KDM4C: variants seen among roughly 807,000 people sequenced by gnomAD.
KDM4C encodes lysine-specific demethylase 4C.
KDM4C carries 81 observed loss-of-function variants against 129.3 expected under a neutral mutation model. The ratio of observed to expected loss-of-function variants is 0.63; its 90% CI spans 0.52 to 0.75. The LOEUF (loss-of-function observed/expected upper bound fraction) is 0.75, where lower values mean the gene tolerates loss of function less well. Ranked by LOEUF, KDM4C falls within the 30% of genes least tolerant of loss-of-function variation. The pLI, the probability that KDM4C is intolerant of heterozygous loss-of-function variation, is 0.00. For synonymous variants in KDM4C, 573 were observed against 456.1 expected, an observed-to-expected ratio of 1.26 and a Z score of -3.26; for missense variants, 1,457 against 1,304.0, an observed-to-expected ratio of 1.12 and a Z score of -1.81.
intron 17 of KDM4C, among the ~76,000 whole-genome samples, chr9:7,062,127 A>G (rs1410330828): frequency 6.6e-6 from 1 of 151,738 alleles, no homozygotes; most frequent in Non-Finnish European, 1.5e-5. Flanking sequence ...GCCACCACAC[A>G]CTGGCCAATT....
chr9:7,057,912 T>A (rs1016328390), intron 17 of KDM4C, among the ~76,000 whole-genome samples: 1 of 152,218 alleles, frequency 6.6e-6, no homozygotes, highest in African/African-American at 2.4e-5. Context: ...AGCACGGACA[T>A]CGCATGTTGA....
intron 9 of KDM4C, chr9:6,982,807 G>C (rs997044795): frequency 5.9e-5 from 9 of 152,174 alleles, no homozygotes; most frequent in Admixed American, 5.9e-4. Flanking sequence ...AGAGAACATG[G>C]ATTTATGACA....
At chr9:6,790,682 A>AAAG (rs71315564) in intron 1 of KDM4C, among the ~76,000 whole-genome samples, 3,428 of 113,106 alleles carry the variant, frequency 0.03, 242 homozygotes, top group East Asian at 0.12. Flanking sequence ...AAAAAAAAAA[A>AAAG]GAGGAAAACT....
intron 18 of KDM4C, among the ~76,000 whole-genome samples, chr9:7,106,122 C>T (rs184581035): frequency 1.3e-5 from 2 of 152,292 alleles, no homozygotes; most frequent in East Asian, 1.9e-4. Flanking sequence ...TTCTTCCATT[C>T]GACTCCAAGT....
intron 8 of KDM4C, among the ~76,000 whole-genome samples, chr9:6,966,736 C>A (rs564173690): frequency 3.3e-5 from 5 of 152,182 alleles, no homozygotes; most frequent in Middle Eastern, 3.4e-3. Context: ...GAAAAAAAGT[C>A]TTCATTATTT....
At chr9:6,885,699 A>T (rs1025414512) in intron 6 of KDM4C, among the ~76,000 whole-genome samples, 1 of 151,990 alleles carries the variant, frequency 6.6e-6, no homozygotes, top group South Asian at 2.1e-4. Flanking sequence ...GAGAGTGAGT[A>T]TGAACCATGT....
At position 6,800,620 on chromosome 9, in the gene KDM4C, T is replaced by TTTTA. The variant is rs1564035764; in HGVS notation, c.145-4979_145-4978insTTTA. The stretch of plus-strand genomic sequence containing the variant: ...TATCTATCTATTTTATTTTATTTTT[T>TTTTA]AATTTATTTTTATTTAGTTCTTTTG... On this transcript the variant is annotated intron_variant, in intron 2 of 21. Coordinates refer to ENST00000381309, the MANE Select transcript of KDM4C (RefSeq NM_015061.6). Among the ~76,000 whole-genome samples, 356 of 152,306 alleles carry TTTTA rather than the reference T, an allele frequency of 2.3e-3. 2 individuals are homozygous for TTTTA. The highest frequency in any genetic ancestry group is 8.0e-3 in the African/African-American group (334 of 41,556).
chr9:7,060,878 C>T (rs1436264349), intron 17 of KDM4C, among the ~76,000 whole-genome samples: 1 of 152,090 alleles, frequency 6.6e-6, no homozygotes, highest in East Asian at 1.9e-4. Flanking sequence ...ATTGTCAAGT[C>T]CTTCTGCAGG....
intron 4 of KDM4C, among the ~76,000 whole-genome samples, chr9:6,816,464 T>A (rs1217811774): frequency 1.3e-5 from 2 of 152,218 alleles, no homozygotes; most frequent in African/African-American, 2.4e-5. Flanking sequence ...TTTCTTCTTT[T>A]GTTTAACAGT....
chr9:6,852,661 A>T (rs1839070673), intron 5 of KDM4C, among the ~76,000 whole-genome samples: 1 of 152,022 alleles, frequency 6.6e-6, no homozygotes, highest in Non-Finnish European at 1.5e-5. Flanking sequence ...CCTGTGCTTG[A>T]CATATCTGTC....
intron 17 of KDM4C, among the ~76,000 whole-genome samples, chr9:7,052,898 A>AGAGAGAGAGAGAGAGAGACAGC (rs1477487723): frequency 4.2e-4 from 20 of 47,612 alleles, no homozygotes; most frequent in African/African-American, 9.2e-4. Context: ...AGAGAGAGAG[A>AGAGAGAGAGAGAGAGAGACAGC]GAGCGAGCGA....
At chr9:7,083,471 T>A (rs966123222) in intron 17 of KDM4C, among the ~76,000 whole-genome samples, 1 of 152,148 alleles carries the variant, frequency 6.6e-6, no homozygotes, top group Non-Finnish European at 1.5e-5. Flanking sequence ...ATGCAAACCT[T>A]GATGGCATAG....
At chr9:6,735,024 G>GT in intron 1 of KDM4C, 1 of 505,202 alleles carries the variant, frequency 2.0e-6, no homozygotes, top group Non-Finnish European at 3.9e-6. Context: ...TGCAGCTATT[G>GT]TAAGAGTTTC....
chr9:6,834,680 A>G (rs1162766402), intron 4 of KDM4C: 8 of 830,728 alleles, frequency 9.6e-6, no homozygotes, highest in Admixed American at 3.4e-5. Context: ...GCATGGCATC[A>G]TTACCAACTG....
intron 2 of KDM4C, among the ~76,000 whole-genome samples, chr9:6,793,372 A>T (rs1250442501): frequency 2.0e-5 from 3 of 151,898 alleles, no homozygotes; most frequent in Non-Finnish European, 2.9e-5. Flanking sequence ...AAACCAACCA[A>T]GGGTGGCTGA....
At chr9:6,982,678 G>A (rs1816972640) in intron 9 of KDM4C, 1 of 152,208 alleles carries the variant, frequency 6.6e-6, no homozygotes, top group Non-Finnish European at 1.5e-5. Context: ...CCTGAGTTCA[G>A]AATACACACC....
chr9:6,901,698 G>A (rs1817437444), intron 8 of KDM4C, among the ~76,000 whole-genome samples: 1 of 152,128 alleles, frequency 6.6e-6, no homozygotes, highest in African/African-American at 2.4e-5. Flanking sequence ...CTCTGCCTGT[G>A]GAGAAGAAAG....
chr9:6,772,118 G>A (rs1347522862), intron 1 of KDM4C, among the ~76,000 whole-genome samples: 1 of 152,128 alleles, frequency 6.6e-6, no homozygotes. Context: ...AATGAGTTAG[G>A]TTTCTAAATT....
chr9:7,165,069 A>G (rs1445808502), intron 19 of KDM4C, among the ~76,000 whole-genome samples, 169 bp from the exon 20 acceptor site: 1 of 152,030 alleles, frequency 6.6e-6, no homozygotes, highest in East Asian at 1.9e-4. Context: ...GAATCTTTAA[A>G]TACTCCTTTG....
Sources: allele counts gnomAD v4.1 joint callset (sites outside exome capture counted in the v4.1 genomes callset), GRCh38; gene constraint gnomAD v4.1.1; transcripts MANE v1.5; gene names NCBI Gene and HGNC (gene_info 2026-07-23, HGNC 2026-07-21).